SORCS2: variants seen among roughly 807,000 people sequenced by gnomAD.
The protein encoded by SORCS2 is sortilin related VPS10 domain containing receptor 2, also known as VPS10 domain-containing receptor SorCS2.
A neutral mutation model predicts 141.6 loss-of-function variants in SORCS2; 100 were observed. The ratio of observed to expected loss-of-function variants is 0.71; its 90% CI spans 0.60 to 0.83. The LOEUF is 0.83. SORCS2 is among the 40% of genes least tolerant of loss of function. SORCS2 has a pLI of 0.00. For missense variants in SORCS2, 1,646 were observed against 1,560.2 expected, an observed-to-expected ratio of 1.05 and a Z score of -0.93; for synonymous variants, 789 against 676.9, an observed-to-expected ratio of 1.17 and a Z score of -2.57.
At chr4:7,426,311 C>G in intron 2 of SORCS2, among the ~76,000 whole-genome samples, 1 of 36,632 alleles carries the variant, frequency 2.7e-5, no homozygotes, top group Non-Finnish European at 6.2e-5. Flanking sequence ...CAGGGGAGGC[C>G]CGAGGACGGC....
At chr4:7,639,707 G>C (rs1409499651) in intron 4 of SORCS2, among the ~76,000 whole-genome samples, 5 of 151,692 alleles carry the variant, frequency 3.3e-5, no homozygotes, top group Non-Finnish European at 7.4e-5. Context: ...GTGTGTGAAT[G>C]TGTGTTCACC....
intron 2 of SORCS2, among the ~76,000 whole-genome samples, chr4:7,468,757 G>A (rs1168425593): frequency 4.6e-5 from 7 of 152,180 alleles, no homozygotes; most frequent in Non-Finnish European, 1.0e-4. Flanking sequence ...TGTCAGCATT[G>A]TTTGGGGGAG....
intron 1 of SORCS2, among the ~76,000 whole-genome samples, chr4:7,298,472 T>G (rs1717221233): frequency 6.6e-6 from 1 of 152,182 alleles, no homozygotes; most frequent in African/African-American, 2.4e-5. Context: ...TCCTTTGGCC[T>G]CTGATCGGTC....
chr4:7,296,425 G>A (rs965885216), intron 1 of SORCS2, among the ~76,000 whole-genome samples: 1 of 152,222 alleles, frequency 6.6e-6, no homozygotes, highest in Non-Finnish European at 1.5e-5. Context: ...AGACCCTGAG[G>A]TGGGACTCCT....
chr4:7,413,391 C>CTT (rs34379092), intron 2 of SORCS2, among the ~76,000 whole-genome samples: 17,014 of 84,438 alleles, frequency 0.2, 3,777 homozygotes, highest in East Asian at 0.41. Flanking sequence ...TTCACAGCTG[C>CTT]TTTTTTTTTT....
intron 2 of SORCS2, among the ~76,000 whole-genome samples, chr4:7,495,034 C>G (rs1209888461): frequency 6.6e-6 from 1 of 152,212 alleles, no homozygotes; most frequent in African/African-American, 2.4e-5. Context: ...TAAGGAACAG[C>G]TGAAGAAACA....
chr4:7,724,618 AGGATG>A (rs1726975270), intron 19 of SORCS2, among the ~76,000 whole-genome samples: 3 of 59,656 alleles, frequency 5.0e-5, no homozygotes, highest in Non-Finnish European at 9.6e-5. Context: ...AGTGCTGGTG[AGGATG>A]GTGATGGTGG....
chr4:7,456,123 C>G (rs1728898725), intron 2 of SORCS2, among the ~76,000 whole-genome samples: 1 of 152,142 alleles, frequency 6.6e-6, no homozygotes, highest in South Asian at 2.1e-4. Flanking sequence ...TCCTGATCTC[C>G]TCTTCTTATA....
intron 5 of SORCS2, among the ~76,000 whole-genome samples, chr4:7,660,861 C>A (rs1264437601): frequency 6.6e-6 from 1 of 152,150 alleles, no homozygotes; most frequent in Non-Finnish European, 1.5e-5. Context: ...TCAGGCAAAT[C>A]CCTGGAGGCA....
intron 2 of SORCS2, among the ~76,000 whole-genome samples, chr4:7,519,040 A>G (rs1178525289): frequency 6.6e-6 from 1 of 152,140 alleles, no homozygotes; most frequent in African/African-American, 2.4e-5. Context: ...GCTGGCTGGC[A>G]TGGGACTGGA....
Position 7,579,419 on chromosome 4 carries a change from G to A in SORCS2, c.648+47790G>A, listed in dbSNP as rs139163252. ...ATAGTCTCACAGTATTAGGAGGTAGGTGTTATTAAATCCATGTATAGCTGA... is the reference window on the plus strand; with the variant it reads ...ATAGTCTCACAGTATTAGGAGGTAGATGTTATTAAATCCATGTATAGCTGA... On this transcript the variant is annotated intron_variant, in intron 3 of 26. Coordinates refer to ENST00000507866, the MANE Select transcript of SORCS2 (RefSeq NM_020777.3). Among the ~76,000 whole-genome samples the A allele has an allele frequency of 2.0e-3, 310 of 152,230 alleles. 1 individual carries two copies. The highest frequency in any genetic ancestry group is 6.9e-3 in the African/African-American group (287 of 41,534).
chr4:7,312,133 C>T (rs545026210), intron 1 of SORCS2, among the ~76,000 whole-genome samples: 2 of 152,204 alleles, frequency 1.3e-5, no homozygotes, highest in East Asian at 3.9e-4. Context: ...CCTTGGCCTC[C>T]CAAAGTGCTG....
chr4:7,437,678 G>A (rs1727396565), intron 2 of SORCS2, among the ~76,000 whole-genome samples: 1 of 152,066 alleles, frequency 6.6e-6, no homozygotes, highest in African/African-American at 2.4e-5. Context: ...TCCAAGGGTT[G>A]GAGCTCTGTG....
chr4:7,675,525 C>T lies in SORCS2; in HGVS notation c.1162-525C>T, dbSNP rs541532554. 1.4e-4 allele frequency among the ~76,000 whole-genome samples: 22 copies of T among 152,336 alleles called. No homozygotes were observed. The South Asian group carries it at 4.6e-3, about 32-fold the overall frequency. On this transcript the variant is annotated intron_variant, in intron 8 of 26. Coordinates refer to ENST00000507866, the MANE Select transcript of SORCS2 (RefSeq NM_020777.3). Reference sequence around the variant, plus strand: ...TCGCAGAGGACAGGGCCACACCTGGCTCCCCACTGCACTCAGGGCCTTTCT... The same window carrying T: ...TCGCAGAGGACAGGGCCACACCTGGTTCCCCACTGCACTCAGGGCCTTTCT...
chr4:7,208,260 G>A (rs1271391119), intron 1 of SORCS2, among the ~76,000 whole-genome samples: 1 of 152,122 alleles, frequency 6.6e-6, no homozygotes, highest in Non-Finnish European at 1.5e-5. Context: ...GACCGTCCAC[G>A]GGGCATGTCG....
At chr4:7,318,256 G>A (rs1718686200) in intron 1 of SORCS2, among the ~76,000 whole-genome samples, 1 of 152,214 alleles carries the variant, frequency 6.6e-6, no homozygotes, top group South Asian at 2.1e-4. Context: ...CAGCTAAGAG[G>A]TGGCAGAGCT....
chr4:7,646,342 C>T (rs1000295705), intron 4 of SORCS2, among the ~76,000 whole-genome samples: 1 of 152,186 alleles, frequency 6.6e-6, no homozygotes, highest in African/African-American at 2.4e-5. Flanking sequence ...TGGATTGTGT[C>T]CCCCAAAATT....
chr4:7,526,258 C>T (rs917908330), intron 2 of SORCS2, among the ~76,000 whole-genome samples: 19 of 152,376 alleles, frequency 1.2e-4, no homozygotes, highest in African/African-American at 2.2e-4. Context: ...CGCCTTGGCA[C>T]GTTGTCCAGA....
chr4:7,539,700 G>GCCCCCCGTTATGGAGGCCCCA (rs1199605317), intron 3 of SORCS2, among the ~76,000 whole-genome samples: 23 of 110,586 alleles, frequency 2.1e-4, no homozygotes, highest in African/African-American at 6.5e-4. Flanking sequence ...TGGAGGCCCC[G>GCCCCCCGTTATGGAGGCCCCA]CCCCTTCCTG....
Sources: allele counts gnomAD v4.1 joint callset (sites outside exome capture counted in the v4.1 genomes callset), GRCh38; gene constraint gnomAD v4.1.1; transcripts MANE v1.5; gene names NCBI Gene and HGNC (gene_info 2026-07-23, HGNC 2026-07-21).